SLC11A2: variants seen among roughly 807,000 people sequenced by gnomAD.
The protein encoded by SLC11A2 is natural resistance-associated macrophage protein 2.
SLC11A2 carries 38 observed loss-of-function variants against 68.0 expected under a neutral mutation model. The observed-to-expected ratio is 0.56, with a 90% confidence interval of 0.43 to 0.73. The LOEUF (loss-of-function observed/expected upper bound fraction) is 0.73, where lower values mean the gene tolerates loss of function less well. Ranked by LOEUF, SLC11A2 falls within the 30% of genes least tolerant of loss-of-function variation. The pLI is 0.00. For missense variants in SLC11A2, 517 were observed against 690.5 expected, an observed-to-expected ratio of 0.75 and a Z score of 2.82; for synonymous variants, 242 against 250.6, an observed-to-expected ratio of 0.97 and a Z score of 0.32.
At chr12:51,026,288 C>A in intron 1 of SLC11A2, 22 bp downstream of exon 1, 1 of 1,240,742 alleles carries the variant, frequency 8.1e-7, no homozygotes, top group South Asian at 1.3e-5. Context: ...TGCCGTGACC[C>A]CTGACCTTGC....
intron 11 of SLC11A2, 89 bp from the exon 12 acceptor site, chr12:50,993,018 T>C: frequency 6.7e-7 from 1 of 1,486,888 alleles, no homozygotes; most frequent in Admixed American, 1.7e-5. Flanking sequence ...CATTTCTCCC[T>C]TCTTTGCTAT....
rs753676302 is a variant in SLC11A2 at position 50,987,304 on chromosome 12, CA to C, written c.*1020del. On this transcript the variant is annotated 3_prime_UTR_variant, in exon 16 of 16. Transcript: ENST00000262052. ...CAGTGTGCTTTGCAACGGTTAAGTC[CA>C]CAGCTCCTGAGATTGCCTCGCAAGT... The C allele has an allele frequency of 5.0e-5, 64 of 1,287,062 alleles. No individual in the cohort carries two copies. The highest frequency in any genetic ancestry group is 6.3e-5 in the Non-Finnish European group (62 of 988,688). 79.7% of individuals were successfully genotyped at this position (1,287,062 alleles called of 1,614,324 possible).
chr12:50,997,073 TCTTC>T, intron 8 of SLC11A2, 101 bp from the exon 9 acceptor site: 2 of 916,876 alleles, frequency 2.2e-6, no homozygotes, highest in Non-Finnish European at 1.8e-6. Context: ...TACAATGCCT[TCTTC>T]CTTATTTTTA....
At chr12:51,016,031 C>T (rs1373986755) in intron 1 of SLC11A2, among the ~76,000 whole-genome samples, 1 of 152,144 alleles carries the variant, frequency 6.6e-6, no homozygotes, top group Non-Finnish European at 1.5e-5. Context: ...GATCTGCCCA[C>T]CTCAGCCTCC....
At chr12:50,960,709 G>A in the SLC11A2 span, among the ~76,000 whole-genome samples, 1 of 151,720 alleles carries the variant, frequency 6.6e-6, no homozygotes, top group Admixed American at 6.6e-5. Context: ...TAGAGACAGG[G>A]TCTCACTCTG....
At chr12:50,968,456 G>A in the SLC11A2 span, among the ~76,000 whole-genome samples, 1 of 151,964 alleles carries the variant, frequency 6.6e-6, no homozygotes, top group South Asian at 2.1e-4. Context: ...GCGTGATCAC[G>A]GTTCACAGCA....
In SLC11A2 at chr12:50,996,825, A is replaced by C; in HGVS notation, c.823T>G (p.Leu275Val). ...MPHNMYLHSA[L>V]VKSRQVNRNN... ...ATAAGGGCCTTGCTCACCTTGACTAAGGCAGAATGCAGGTACATGTTGTGT... is the reference window on the plus strand; with the variant it reads ...ATAAGGGCCTTGCTCACCTTGACTACGGCAGAATGCAGGTACATGTTGTGT... The change falls in exon 9 of 16, where the codon TTA (leucine) becomes GTA (valine). Residue 275 changes from leucine (L) to valine (V), a missense_variant. Coordinates refer to ENST00000262052, the MANE Select transcript of SLC11A2 (RefSeq NM_000617.3). The C allele has an allele frequency of 6.2e-7, 1 of 1,614,112 alleles. No homozygotes were observed. The highest frequency in any genetic ancestry group is 8.5e-7 in the Non-Finnish European group (1 of 1,180,002).
intron 15 of SLC11A2, among the ~76,000 whole-genome samples, chr12:50,990,345 C>T (rs933042615): frequency 6.6e-6 from 1 of 152,188 alleles, no homozygotes; most frequent in Non-Finnish European, 1.5e-5. Context: ...GTTCTCCACT[C>T]TCTGTACTGC....
At chr12:51,019,992 GA>G (rs754922376) in intron 1 of SLC11A2, among the ~76,000 whole-genome samples, 33 of 152,274 alleles carry the variant, frequency 2.2e-4, no homozygotes, top group Non-Finnish European at 4.6e-4. Flanking sequence ...TGTGGGGAAA[GA>G]AACAGCTTAG....
At chr12:50,985,335 C>A (rs1180136980), downstream of SLC11A2, among the ~76,000 whole-genome samples, 2 of 152,122 alleles carry the variant, frequency 1.3e-5, no homozygotes, top group Non-Finnish European at 2.9e-5. Flanking sequence ...TGAGGAAGGA[C>A]AACATGGAGA....
chr12:51,004,313 G>A (rs1295542075), intron 5 of SLC11A2, among the ~76,000 whole-genome samples: 1 of 151,878 alleles, frequency 6.6e-6, no homozygotes, highest in African/African-American at 2.4e-5. Context: ...CCGGTGGGAG[G>A]GGAAACTGAA....
At chr12:51,014,664 C>A (rs1943486566) in intron 1 of SLC11A2, among the ~76,000 whole-genome samples, 1 of 152,142 alleles carries the variant, frequency 6.6e-6, no homozygotes, top group African/African-American at 2.4e-5. Context: ...CCAGCCTGGC[C>A]AACATGGGTG....
the SLC11A2 span, chr12:50,954,064 A>AC: frequency 1.9e-6 from 3 of 1,612,334 alleles, no homozygotes; most frequent in Non-Finnish European, 2.5e-6. Flanking sequence ...TAATCAGGAA[A>AC]TCTAGAGACT....
At chr12:50,974,126 G>A in the SLC11A2 span, among the ~76,000 whole-genome samples, 1 of 152,214 alleles carries the variant, frequency 6.6e-6, no homozygotes, top group Non-Finnish European at 1.5e-5. Context: ...TCAAATTCAG[G>A]AAATACAGAG....
At chr12:51,011,552 G>GTTTTTTTTTTTTTTTTTTTTTTT in intron 1 of SLC11A2, among the ~76,000 whole-genome samples, 1 of 125,242 alleles carries the variant, frequency 8.0e-6, no homozygotes, top group Non-Finnish European at 1.6e-5. Context: ...TTTATGAGTT[G>GTTTTTTTTTTTTTTTTTTTTTTT]TTTTTTTTTG....
intron 14 of SLC11A2, 50 bp downstream of exon 14, chr12:50,991,549 C>G: frequency 6.9e-7 from 1 of 1,448,046 alleles, no homozygotes; most frequent in Non-Finnish European, 9.7e-7. Context: ...ATGAAGATAC[C>G]CTTTCCCCAT....
chr12:51,026,465 C>G (rs1331556331), upstream of SLC11A2: 2 of 760,714 alleles, frequency 2.6e-6, no homozygotes, highest in Non-Finnish European at 3.8e-6. Context: ...CTGCAGCGGC[C>G]GGGATGCGTG....
At chr12:51,000,525 A>G in intron 5 of SLC11A2, 106 bp from the exon 6 acceptor site, 1 of 810,492 alleles carries the variant, frequency 1.2e-6, no homozygotes, top group Non-Finnish European at 2.1e-6. Context: ...ACAGTCCTTT[A>G]TAAGCCTCCA....
the SLC11A2 span, among the ~76,000 whole-genome samples, chr12:50,952,502 C>A: frequency 6.6e-6 from 1 of 152,120 alleles, no homozygotes; most frequent in Non-Finnish European, 1.5e-5. Flanking sequence ...TCTCAAGGGG[C>A]CCCAAGGCTA....
Sources: gnomAD v4.1 joint callset for allele counts (sites outside exome capture counted in the v4.1 genomes callset) on GRCh38, gnomAD v4.1.1 for gene constraint, MANE v1.5 for transcripts, NCBI Gene and HGNC (gene_info 2026-07-23, HGNC 2026-07-21) for gene names.